SF3B1: variants seen among roughly 807,000 people sequenced by gnomAD.
SF3B1 encodes the protein splicing factor 3b subunit 1, also known as pre-mRNA processing 10.
In SF3B1, 12 loss-of-function variants were observed where a neutral mutation model predicts 153.8. The ratio of observed to expected loss-of-function variants is 0.08; its 90% CI spans 0.05 to 0.13. SF3B1 has a LOEUF of 0.13. Ranked by LOEUF, SF3B1 falls within the 10% of genes least tolerant of loss-of-function variation. The probability of loss-of-function intolerance (pLI) is 1.00; values close to 1 mark genes in which losing one functional copy is unlikely to be tolerated. For missense variants in SF3B1, 513 were observed against 1,606.1 expected (o/e 0.32, Z 11.63); for synonymous variants, 498 against 525.2 (o/e 0.95, Z 0.71).
chr2:197,407,430 C>T (rs972552515), intron 9 of SF3B1, among the ~76,000 whole-genome samples: 8 of 152,032 alleles, frequency 5.3e-5, no homozygotes, highest in Non-Finnish European at 7.4e-5. Context: ...CATGGCGAAA[C>T]CCTGTCTCTA....
intron 1 of SF3B1, among the ~76,000 whole-genome samples, chr2:197,433,463 T>C (rs2085474009): frequency 6.6e-6 from 1 of 152,224 alleles, no homozygotes; most frequent in African/African-American, 2.4e-5. Context: ...AATAACATCC[T>C]GAATGAACAA....
intron 1 of SF3B1, among the ~76,000 whole-genome samples, chr2:197,428,017 C>CT (rs2085362231): frequency 2.0e-5 from 3 of 150,066 alleles, no homozygotes; most frequent in African/African-American, 7.5e-5. Flanking sequence ...GACTCCGTCT[C>CT]AAATTAATTA....
chr2:197,412,107 CA>C (rs397987243), intron 6 of SF3B1, among the ~76,000 whole-genome samples: 29,864 of 81,968 alleles, frequency 0.36, 2,460 homozygotes, highest in East Asian at 0.46. Context: ...GACTCTGTCT[CA>C]AAAAAAAAAA....
At position 197,392,542 on chromosome 2, in the gene SF3B1, T is replaced by C. The variant is rs527456912; in HGVS notation, c.3757-81A>G. Reference sequence around the variant, plus strand: ...ACAAAATTAAGAAAACATAAAGATATGATTCAAAATTATTTCCCTTGGGGA... The same window carrying C: ...ACAAAATTAAGAAAACATAAAGATACGATTCAAAATTATTTCCCTTGGGGA... On this transcript the variant is annotated intron_variant, in intron 24 of 24. Transcript: ENST00000335508. 5.2e-4 allele frequency: 148 copies of C among 282,570 alleles called. 1 individual carries two copies. Among genetic ancestry groups the C allele is most frequent in the African/African-American group, 4.0e-3 (138 of 34,744 alleles). 17.5% of individuals were successfully genotyped at this position (282,570 alleles called of 1,614,324 possible). A position where few individuals can be genotyped will look rare whatever the true frequency, so the allele number is the denominator to read the frequency against.
chr2:197,400,558 TA>T lies in SF3B1; in HGVS notation c.2719-125del, dbSNP rs2084927595. On this transcript the variant is annotated intron_variant, in intron 18 of 24. Coordinates refer to ENST00000335508, the MANE Select transcript of SF3B1 (RefSeq NM_012433.4). The surrounding 1 kb of genome is among the most constrained non-coding windows in gnomAD (Gnocchi z 5.0). ...GTTGCTGTTTTTTTACATCAAATCT[TA>T]AAACTTGAGGTAGAATAATATCGTT... 9.5e-7 allele frequency: 1 copy of T among 1,052,438 alleles called. No individual in the cohort carries two copies. Among genetic ancestry groups the T allele is most frequent in the African/African-American group, 1.6e-5 (1 of 61,754 alleles). 65.2% of individuals were successfully genotyped at this position (1,052,438 alleles called of 1,614,324 possible).
At chr2:197,414,882 T>C (rs957849493) in intron 6 of SF3B1, among the ~76,000 whole-genome samples, 19 of 152,038 alleles carry the variant, frequency 1.2e-4, no homozygotes, top group Non-Finnish European at 2.6e-4. Context: ...TACGTGTCTA[T>C]AGTCCCATCT....
Position 197,390,030 on chromosome 2 carries a change from T to C in SF3B1, c.*2273A>G, listed in dbSNP as rs981036877. ...ACAAAAGAAAAGGTCTTTGAGAAGA[T>C]AGGTAAAACTTCACATAGCGTCTTC... On this transcript the variant is annotated 3_prime_UTR_variant, in exon 25 of 25. Transcript: ENST00000335508. 5 of 152,220 alleles carry C rather than the reference T, an allele frequency of 3.3e-5. No individual in the cohort carries two copies. The highest frequency in any genetic ancestry group is 5.9e-5 in the Non-Finnish European group (4 of 68,040). 9.4% of individuals were successfully genotyped at this position (152,220 alleles called of 1,614,324 possible). A position where few individuals can be genotyped will look rare whatever the true frequency, so the allele number is the denominator to read the frequency against.
intron 23 of SF3B1, among the ~76,000 whole-genome samples, chr2:197,393,741 G>A (rs990197939): frequency 3.3e-5 from 5 of 152,194 alleles, no homozygotes; most frequent in South Asian, 2.1e-4. Flanking sequence ...GTGAGCCACC[G>A]TGCCTGGCCA....
chr2:197,417,091 A>G (rs1034523522), intron 5 of SF3B1, among the ~76,000 whole-genome samples, 180 bp from the exon 6 acceptor site: 2 of 152,202 alleles, frequency 1.3e-5, no homozygotes, highest in African/African-American at 2.4e-5. Context: ...TTCGTTTTAC[A>G]TAATGCCTTT....
At chr2:197,393,408 C>G (rs971429730) in intron 23 of SF3B1, 6 of 544,158 alleles carry the variant, frequency 1.1e-5, no homozygotes, top group Admixed American at 6.9e-5. Context: ...GCTTTAATTA[C>G]TCAAGATTCA....
intron 7 of SF3B1, among the ~76,000 whole-genome samples, chr2:197,408,887 C>T (rs2085028150): frequency 6.6e-6 from 1 of 152,066 alleles, no homozygotes; most frequent in South Asian, 2.1e-4. Flanking sequence ...CGCACCACTG[C>T]ACTCTAGCTT....
rs528387705 is a variant in SF3B1 at position 197,418,498 on chromosome 2, G to C, written c.495+11C>G. The C allele has an allele frequency of 6.3e-7, 1 of 1,589,786 alleles. No individual in the cohort carries two copies. The highest frequency in any genetic ancestry group is 2.2e-5 in the East Asian group (1 of 44,668). ...TTCACAACCATTAAAACAGGAGACA[G>C]GTTTACATACTTCTTCTTTAGTCAA... On this transcript the variant is annotated intron_variant, in intron 5 of 24. Coordinates refer to ENST00000335508, the MANE Select transcript of SF3B1 (RefSeq NM_012433.4).
chr2:197,421,337 T>C (rs2085238764), intron 2 of SF3B1, among the ~76,000 whole-genome samples: 1 of 152,248 alleles, frequency 6.6e-6, no homozygotes, highest in African/African-American at 2.4e-5. Flanking sequence ...ATCTTTACTT[T>C]TAAAATGATT....
rs1158429912 is a variant in SF3B1 at position 197,390,954 on chromosome 2, G to A, written c.*1349C>T. 1 of 152,094 alleles carries A rather than the reference G, an allele frequency of 6.6e-6. No homozygotes were observed. Among genetic ancestry groups the A allele is most frequent in the Non-Finnish European group, 1.5e-5 (1 of 68,010 alleles). The allele number at this position is 152,094 out of a possible 1,614,324, so 9.4% of individuals were successfully genotyped here. A position where few individuals can be genotyped will look rare whatever the true frequency, so the allele number is the denominator to read the frequency against. On this transcript the variant is annotated 3_prime_UTR_variant, in exon 25 of 25. Transcript: ENST00000335508. ...AGCAGGAACTCCTAAAGTGTCAATAGGCAGTTTTACTTACAGTAGTAGTTA... is the reference window on the plus strand; with the variant it reads ...AGCAGGAACTCCTAAAGTGTCAATAAGCAGTTTTACTTACAGTAGTAGTTA...
At chr2:197,433,293 C>G (rs963723334) in intron 1 of SF3B1, among the ~76,000 whole-genome samples, 13 of 152,190 alleles carry the variant, frequency 8.5e-5, no homozygotes, top group Non-Finnish European at 1.8e-4. Context: ...TCAAAAATAA[C>G]AAGTTTGGCC....
At position 197,403,030 on chromosome 2, in the gene SF3B1, G is replaced by C. The variant is rs764654037; in HGVS notation, c.1725C>G (p.Leu575=). 1.3e-6 allele frequency: 2 copies of C among 1,565,346 alleles called. No individual in the cohort carries two copies. The highest frequency in any genetic ancestry group is 1.7e-6 in the Non-Finnish European group (2 of 1,161,928). The change falls in exon 13 of 25, where the codon CTC becomes CTG. Residue 575 remains leucine, a synonymous_variant. Coordinates refer to ENST00000335508, the MANE Select transcript of SF3B1 (RefSeq NM_012433.4). Reference sequence around the variant, plus strand: ...CAATCAATAGCGGTTCAATGACCACGAGGATCTGAAAAAGAGAAAAGAGAA... The same window carrying C: ...CAATCAATAGCGGTTCAATGACCACCAGGATCTGAAAAAGAGAAAAGAGAA... ...DLVRPYVHKI[L]VVIEPLLIDE... is the part of the protein sequence containing the mutation.
rs2105987470 is a variant in SF3B1, at chr2:197,402,815, C to T, written c.1818G>A (p.Leu606=). The T allele has an allele frequency of 6.2e-7, 1 of 1,613,128 alleles. No homozygotes were observed. The highest frequency in any genetic ancestry group is 8.5e-7 in the Non-Finnish European group (1 of 1,179,230). Residue 606 remains leucine, a synonymous_variant, in exon 14 of 25, where the codon CTG becomes CTA. Coordinates refer to ENST00000335508, the MANE Select transcript of SF3B1 (RefSeq NM_012433.4). This position sits in a 1 kb window ranked among gnomAD's most constrained non-coding sequence, Gnocchi z 4.6. ...GTCTCATGGTAGAGATCATAGTAGC[C>T]AGACCAGCAGCCTAAAATGTAAACA... ...IISNLAKAAG[L]ATMISTMRPD...
At chr2:197,425,674 C>G (rs2085323527) in intron 1 of SF3B1, among the ~76,000 whole-genome samples, 1 of 152,008 alleles carries the variant, frequency 6.6e-6, no homozygotes, top group Non-Finnish European at 1.5e-5. Context: ...GGCTGGGTCA[C>G]ATTTCCACAT....
rs957610353 is a variant in SF3B1 at position 197,390,419 on chromosome 2, T to C, written c.*1884A>G. 6.6e-6 allele frequency: 1 copy of C among 152,216 alleles called. No individual in the cohort carries two copies. Among genetic ancestry groups the C allele is most frequent in the Non-Finnish European group, 1.5e-5 (1 of 68,046 alleles). The allele number at this position is 152,216 out of a possible 1,614,324, so 9.4% of individuals were successfully genotyped here. On this transcript the variant is annotated 3_prime_UTR_variant, in exon 25 of 25. Transcript: ENST00000335508. ...ACTGAAGGTCATTTGACATCAACCA[T>C]AGAGAGCAGTGAGATTTAAAGTTGC...
Sources: gnomAD v4.1 joint callset for allele counts (sites outside exome capture counted in the v4.1 genomes callset) on GRCh38, gnomAD v4.1.1 for gene constraint, Gnocchi (gnomAD v3.1) non-coding constraint, MANE v1.5 for transcripts, NCBI Gene and HGNC (gene_info 2026-07-23, HGNC 2026-07-21) for gene names.